Variants in NEDD4 observed in about 807,000 individuals in gnomAD.
The protein encoded by NEDD4 is NEDD4 E3 ubiquitin protein ligase, also known as E3 ubiquitin-protein ligase NEDD4.
A neutral mutation model predicts 144.9 loss-of-function variants in NEDD4; 99 were observed. That is an observed-to-expected ratio of 0.68 (90% CI 0.58 to 0.81). The LOEUF is 0.81. Ranked by LOEUF, NEDD4 falls within the 30% of genes least tolerant of loss-of-function variation. The pLI is 0.00. For synonymous variants in NEDD4, 318 were observed against 350.6 expected, an observed-to-expected ratio of 0.91 and a Z score of 1.04; for missense variants, 985 against 1,065.9, an observed-to-expected ratio of 0.92 and a Z score of 1.06.
chr15:55,864,767 T>G (rs1003253482), intron 8 of NEDD4, among the ~76,000 whole-genome samples: 7 of 151,112 alleles, frequency 4.6e-5, no homozygotes, highest in African/African-American at 1.7e-4. Flanking sequence ...GCACAATTTT[T>G]AAAAAGAAAA....
chr15:55,914,994 T>G (rs1474210809), intron 5 of NEDD4, among the ~76,000 whole-genome samples: 2 of 152,080 alleles, frequency 1.3e-5, no homozygotes, highest in Non-Finnish European at 2.9e-5. Flanking sequence ...TATTCAAAGT[T>G]TGTTTTGTTG....
chr15:55,887,856 A>C (rs2035443160), intron 5 of NEDD4, among the ~76,000 whole-genome samples: 1 of 152,236 alleles, frequency 6.6e-6, no homozygotes, highest in South Asian at 2.1e-4. Flanking sequence ...GTGATACAAC[A>C]CATCAACAGA....
At chr15:55,870,254 T>C (rs1289563098) in intron 7 of NEDD4, among the ~76,000 whole-genome samples, 1 of 152,168 alleles carries the variant, frequency 6.6e-6, no homozygotes, top group African/African-American at 2.4e-5. Context: ...TCCTCAGAGA[T>C]GTGCTTTAGG....
intron 9 of NEDD4, 77 bp from the exon 10 acceptor site, chr15:55,860,855 G>A (rs955758057): frequency 7.6e-7 from 1 of 1,308,698 alleles, no homozygotes; most frequent in Non-Finnish European, 1.1e-6. Flanking sequence ...GTGATCATTG[G>A]GAAAAAAATC....
rs8037098 is a variant in NEDD4 at position 55,949,277 on chromosome 15, C to A, written c.237+2099G>T. 5.0e-3 allele frequency among the ~76,000 whole-genome samples: 767 copies of A among 152,142 alleles called. 6 individuals carry two copies. The highest frequency in any genetic ancestry group is 0.017 in the African/African-American group (717 of 41,514). On this transcript the variant is annotated intron_variant, in intron 4 of 28. Coordinates refer to ENST00000435532, the MANE Select transcript of NEDD4 (RefSeq NM_006154.4). ...TACCATCTCACACCAGTTAGAATGG[C>A]GAACATTAAAAAGTCAGGAAACAAC...
chr15:55,988,488 A>AAAAAAAAAAAAAAAAAAAAAAT (rs2037933799), intron 1 of NEDD4, among the ~76,000 whole-genome samples: 1 of 21,152 alleles, frequency 4.7e-5, no homozygotes, highest in Non-Finnish European at 1.4e-4. Flanking sequence ...AAAAAAAATT[A>AAAAAAAAAAAAAAAAAAAAAAT]AAAAAAAAAA....
chr15:55,869,889 A>AAATAAATCAATCAATC (rs58734138), intron 7 of NEDD4, among the ~76,000 whole-genome samples: 4 of 149,872 alleles, frequency 2.7e-5, no homozygotes, highest in African/African-American at 9.8e-5. Context: ...ATAAATAAAT[A>AAATAAATCAATCAATC]AATAATTGTT....
At chr15:55,900,889 T>C (rs546137492) in intron 5 of NEDD4, among the ~76,000 whole-genome samples, 3 of 152,260 alleles carry the variant, frequency 2.0e-5, no homozygotes, top group East Asian at 3.9e-4. Flanking sequence ...GGCAAAAACA[T>C]TGATGACAGC....
chr15:55,871,419 TA>T (rs1277396376), intron 7 of NEDD4, among the ~76,000 whole-genome samples: 7 of 152,222 alleles, frequency 4.6e-5, no homozygotes, highest in African/African-American at 1.4e-4. Flanking sequence ...AAACAAATTG[TA>T]TTTTTTAAAG....
chr15:55,882,264 C>T (rs2035220174), intron 5 of NEDD4, among the ~76,000 whole-genome samples: 1 of 152,188 alleles, frequency 6.6e-6, no homozygotes, highest in African/African-American at 2.4e-5. Flanking sequence ...CTGAAAGAGG[C>T]ACTGAAGAGG....
chr15:55,972,021 G>A (rs140642756), intron 1 of NEDD4, among the ~76,000 whole-genome samples: 8 of 152,188 alleles, frequency 5.3e-5, no homozygotes, highest in South Asian at 2.1e-4. Flanking sequence ...TAGTATATCC[G>A]GTGAAAATAC....
intron 4 of NEDD4, among the ~76,000 whole-genome samples, chr15:55,932,250 G>A (rs542879772): frequency 2.0e-5 from 3 of 152,256 alleles, no homozygotes; most frequent in African/African-American, 7.2e-5. Context: ...GAGGCATCAT[G>A]CTACCTGACT....
chr15:55,895,275 G>A (rs933414629), intron 5 of NEDD4, among the ~76,000 whole-genome samples: 16 of 152,142 alleles, frequency 1.1e-4, no homozygotes, highest in African/African-American at 3.4e-4. Context: ...GATAACTTTC[G>A]AAGAGGTGGA....
At chr15:55,910,718 T>G (rs1170403251) in intron 5 of NEDD4, among the ~76,000 whole-genome samples, 1 of 152,154 alleles carries the variant, frequency 6.6e-6, no homozygotes, top group Non-Finnish European at 1.5e-5. Context: ...GGGCAGCCTC[T>G]GATACACATA....
chr15:55,986,968 G>A (rs920932091), intron 1 of NEDD4, among the ~76,000 whole-genome samples: 2 of 151,520 alleles, frequency 1.3e-5, no homozygotes, highest in African/African-American at 2.4e-5. Flanking sequence ...ATGATTTATA[G>A]TCCTTTGGGT....
At chr15:55,882,081 G>C (rs2035214227) in intron 5 of NEDD4, among the ~76,000 whole-genome samples, 1 of 152,116 alleles carries the variant, frequency 6.6e-6, no homozygotes. Flanking sequence ...CCTAATTTTG[G>C]TTTTTAAAAG....
chr15:55,862,547 A>G (rs1292551244), intron 9 of NEDD4, among the ~76,000 whole-genome samples: 1 of 152,170 alleles, frequency 6.6e-6, no homozygotes, highest in East Asian at 1.9e-4. Flanking sequence ...TTAAAAATAG[A>G]GTACTATAGA....
chr15:55,938,756 C>A (rs1011436792), intron 4 of NEDD4, among the ~76,000 whole-genome samples: 1 of 151,856 alleles, frequency 6.6e-6, no homozygotes, highest in Non-Finnish European at 1.5e-5. Context: ...ACAAAAGGAA[C>A]TCCCATAACC....
rs746243360 is a variant in NEDD4 at position 55,846,944 on chromosome 15, A to C, written c.1608+25T>G. ...TCCATCTATATATTGATGACTCTTA[A>C]GTATTTATTATAAACATGACTAACC... is the stretch of plus-strand genomic sequence containing the variant. On this transcript the variant is annotated intron_variant, in intron 18 of 28. Coordinates refer to ENST00000435532, the MANE Select transcript of NEDD4 (RefSeq NM_006154.4). The C allele has an allele frequency of 6.5e-6, 9 of 1,389,218 alleles. No individual in the cohort carries two copies. In the Admixed American group the frequency reaches 1.0e-4, roughly 16 times the overall value. The allele number at this position is 1,389,218 out of a possible 1,614,324, so 86.1% of individuals were successfully genotyped here. A position where few individuals can be genotyped will look rare whatever the true frequency, so the allele number is the denominator to read the frequency against.
Sources: gnomAD v4.1 joint callset for allele counts (sites outside exome capture counted in the v4.1 genomes callset) on GRCh38, gnomAD v4.1.1 for gene constraint, MANE v1.5 for transcripts, NCBI Gene and HGNC (gene_info 2026-07-23, HGNC 2026-07-21) for gene names.